Variants in SLK observed in about 807,000 individuals in gnomAD.
The protein encoded by SLK is STE20 like kinase.
A neutral mutation model predicts 147.7 loss-of-function variants in SLK; 67 were observed. That is an observed-to-expected ratio of 0.45 (90% CI 0.37 to 0.56). The LOEUF (loss-of-function observed/expected upper bound fraction) is 0.56, where lower values mean the gene tolerates loss of function less well. SLK is among the 20% of genes least tolerant of loss of function. The probability of loss-of-function intolerance (pLI) is 0.00; values close to 1 mark genes in which losing one functional copy is unlikely to be tolerated. For synonymous variants in SLK, 441 were observed against 475.0 expected (o/e 0.93, Z 0.93); for missense variants, 1,136 against 1,438.8 (o/e 0.79, Z 3.41).
chr10:103,992,572 G>GC (rs1489659210), intron 2 of SLK, 26 bp from the exon 3 acceptor site: 2 of 1,126,718 alleles, frequency 1.8e-6, no homozygotes, highest in African/African-American at 4.4e-5. Context: ...TTAGACACAC[G>GC]CTTTTTTTTT....
At chr10:104,019,599 A>G in intron 15 of SLK, 135 bp from the exon 16 acceptor site, 1 of 718,838 alleles carries the variant, frequency 1.4e-6, no homozygotes, top group South Asian at 1.8e-5. Context: ...TTTTGTGCCT[A>G]GTATTTTGCT....
At chr10:104,012,425 T>C (rs1844411713) in intron 13 of SLK, among the ~76,000 whole-genome samples, 1 of 152,188 alleles carries the variant, frequency 6.6e-6, no homozygotes, top group African/African-American at 2.4e-5. Flanking sequence ...TGGCCTGGTG[T>C]GGGTATTCCT....
chr10:104,005,216 A>G (rs1844308924), intron 9 of SLK, among the ~76,000 whole-genome samples: 1 of 152,218 alleles, frequency 6.6e-6, no homozygotes, highest in Admixed American at 6.5e-5. Flanking sequence ...AAAGATGAAA[A>G]AAAAGGATAA....
At position 104,003,297 on chromosome 10, in the gene SLK, C is replaced by T. The variant is rs1265899455; in HGVS notation, c.2119C>T (p.Pro707Ser). 30 of 1,613,832 alleles carry T rather than the reference C, an allele frequency of 1.9e-5. No homozygotes were observed. Among genetic ancestry groups the T allele is most frequent in the Non-Finnish European group, 2.5e-5 (29 of 1,179,866 alleles). Reference sequence around the variant, plus strand: ...AGTTTCACAGCCCACTGAACCTCAGCCTGTTCTAATACCCAGTATTAATAT... The same window carrying T: ...AGTTTCACAGCCCACTGAACCTCAGTCTGTTCTAATACCCAGTATTAATAT... The part of the protein sequence containing the change: ...TVVSQPTEPQ[P>S]VLIPSININS... Residue 707 changes from proline (P) to serine (S), a missense_variant, in exon 9 of 19, where the codon CCT (proline) becomes TCT (serine). By Grantham distance (74) the Pro-to-Ser change is moderately conservative (BLOSUM62 -1). Transcript: ENST00000369755.
intron 9 of SLK, among the ~76,000 whole-genome samples, chr10:104,004,794 G>A (rs1234842115): frequency 6.6e-6 from 1 of 152,132 alleles, no homozygotes; most frequent in Non-Finnish European, 1.5e-5. Flanking sequence ...TGTATTTGTA[G>A]GAGTCTTATA....
At chr10:103,968,579 T>C (rs1046979941) in intron 1 of SLK, among the ~76,000 whole-genome samples, 6 of 152,230 alleles carry the variant, frequency 3.9e-5, no homozygotes, top group African/African-American at 1.4e-4. Flanking sequence ...CGTTTCAACC[T>C]GAAGGCATTA....
intron 1 of SLK, among the ~76,000 whole-genome samples, chr10:103,987,961 A>T (rs1207517918): frequency 6.6e-6 from 1 of 152,216 alleles, no homozygotes; most frequent in Admixed American, 6.5e-5. Flanking sequence ...AGAGGAGAAA[A>T]GCATAGACAT....
chr10:103,969,844 C>T (rs1446428403), intron 1 of SLK, among the ~76,000 whole-genome samples: 1 of 152,078 alleles, frequency 6.6e-6, no homozygotes, highest in East Asian at 1.9e-4. Context: ...ATTCTTTCAC[C>T]CATTAAAGTT....
At chr10:104,007,025 A>G (rs1051720872) in intron 11 of SLK, among the ~76,000 whole-genome samples, 9 of 152,166 alleles carry the variant, frequency 5.9e-5, no homozygotes, top group Non-Finnish European at 1.2e-4. Flanking sequence ...TCTTGTTGCA[A>G]GAGTAGATTT....
chr10:103,998,209 G>A (rs1844200473), intron 4 of SLK, among the ~76,000 whole-genome samples: 1 of 152,140 alleles, frequency 6.6e-6, no homozygotes, highest in African/African-American at 2.4e-5. Flanking sequence ...TGGTAGGCAT[G>A]AGCATCAAAT....
chr10:103,997,259 C>G (rs191721824), intron 4 of SLK, among the ~76,000 whole-genome samples: 1 of 152,306 alleles, frequency 6.6e-6, no homozygotes, highest in Admixed American at 6.5e-5. Context: ...TCAAGTCTTC[C>G]CCTTTTAAGA....
intron 1 of SLK, among the ~76,000 whole-genome samples, chr10:103,977,013 C>T (rs547349121): frequency 2.6e-5 from 4 of 152,272 alleles, no homozygotes; most frequent in South Asian, 4.1e-4. Context: ...ACCTAAAATA[C>T]TTCCAGACAT....
chr10:104,003,397 C>G lies in SLK; in HGVS notation c.2219C>G (p.Ser740Cys). ...ACTGAAACTATTCTGCCACCAGAAT[C>G]TGAGAATCCAAAGGAAAATGATAAT... ...SKTETILPPE[S>C]ENPKENDNDS... The change falls in exon 9 of 19, where the codon TCT (serine) becomes TGT (cysteine). Residue 740 changes from serine (S) to cysteine (C), a missense_variant. Physicochemically the swap from Ser to Cys is moderately radical, Grantham distance 112. This residue lies in a region of SLK where 516 missense variants were observed against 531.3 expected (regional missense o/e 0.97). Coordinates refer to ENST00000369755, the MANE Select transcript of SLK (RefSeq NM_014720.4). 1 of 1,614,046 alleles carries G rather than the reference C, an allele frequency of 6.2e-7. No individual in the cohort carries two copies.
chr10:103,999,883 G>C lies in SLK; in HGVS notation c.799G>C (p.Asp267His). ...QPSRWSSNFK[D>H]FLKKCLEKNV... The stretch of plus-strand genomic sequence containing the variant: ...ATTTTAAAGGTCTTCAAATTTTAAG[G>C]ACTTTCTAAAGAAATGCTTAGAAAA... The change falls in exon 7 of 19, where the codon GAC (aspartate) becomes CAC (histidine). Residue 267 changes from aspartate to histidine, a missense_variant. Asp to His is a moderately conservative substitution (Grantham distance 81, BLOSUM62 -1). This residue lies in a region of SLK where 141 missense variants were observed against 219.3 expected (regional missense o/e 0.64). Transcript: ENST00000369755. The C allele has an allele frequency of 6.7e-7, 1 of 1,502,628 alleles. No individual in the cohort carries two copies. The highest frequency in any genetic ancestry group is 1.2e-5 in the South Asian group (1 of 83,330). 93.1% of individuals were successfully genotyped at this position (1,502,628 alleles called of 1,614,324 possible). A position where few individuals can be genotyped will look rare whatever the true frequency, so the allele number is the denominator to read the frequency against.
At chr10:104,016,090 G>T (rs1381781114) in intron 13 of SLK, among the ~76,000 whole-genome samples, 2 of 152,062 alleles carry the variant, frequency 1.3e-5, no homozygotes, top group African/African-American at 4.8e-5. Context: ...AGGCCGAGGT[G>T]GGCGAATCAC....
chr10:104,019,707 A>T (rs1213444232), intron 15 of SLK, 27 bp from the exon 16 acceptor site: 29 of 1,560,088 alleles, frequency 1.9e-5, no homozygotes, highest in Non-Finnish European at 2.5e-5. Flanking sequence ...TTTCTGCGTC[A>T]CTGGATTCTA....
intron 13 of SLK, among the ~76,000 whole-genome samples, chr10:104,011,678 A>G (rs1222186517): frequency 1.3e-5 from 2 of 151,626 alleles, no homozygotes; most frequent in Non-Finnish European, 2.9e-5. Flanking sequence ...CTCCTGCCTC[A>G]GCCTCCCGAG....
chr10:104,025,632 C>G lies in SLK; in HGVS notation c.3620C>G (p.Thr1207Ser). The change falls in exon 19 of 19, where the codon ACT becomes AGT. Residue 1207 changes from threonine to serine, a missense_variant. By Grantham distance (58) the Thr-to-Ser change is moderately conservative. This residue lies in a region of SLK where 327 missense variants were observed against 457.5 expected (regional missense o/e 0.71). Transcript: ENST00000369755. ...LQEQEVFFKMTGESECLNPST... is the reference protein window; with the variant it reads ...LQEQEVFFKMSGESECLNPST... ...GAACAGGAAGTATTCTTTAAAATGA[C>G]TGGGGAGTCTGAATGCCTTAACCCA... 6.2e-7 allele frequency: 1 copy of G among 1,613,462 alleles called. No homozygotes were observed. Among genetic ancestry groups the G allele is most frequent in the Non-Finnish European group, 8.5e-7 (1 of 1,179,400 alleles).
In SLK at chr10:103,991,964, G is replaced by T. The variant is rs967397970; in HGVS notation, c.316-634G>T. ...TTAGACAACTGTGAGGGGAAGTTTA[G>T]TGGGAGACATAAATGTTAATTAATC... On this transcript the variant is annotated intron_variant, in intron 2 of 18. Transcript: ENST00000369755. 3.0e-4 allele frequency among the ~76,000 whole-genome samples: 45 copies of T among 151,778 alleles called. 2 individuals are homozygous for T. The highest frequency in any genetic ancestry group is 4.4e-5 in the Non-Finnish European group (3 of 67,866).
Sources: allele counts gnomAD v4.1 joint callset (sites outside exome capture counted in the v4.1 genomes callset), GRCh38; gene constraint gnomAD v4.1.1; regional missense constraint gnomAD v4.1.1; transcripts MANE v1.5; gene names NCBI Gene and HGNC (gene_info 2026-07-23, HGNC 2026-07-21).